The following SLC25A24 variants were observed in gnomAD, a reference collection of about 807,000 sequenced individuals.
The protein encoded by SLC25A24 is mitochondrial adenyl nucleotide antiporter SLC25A24.
In SLC25A24, 49 loss-of-function variants were observed where a neutral mutation model predicts 60.7. The ratio of observed to expected loss-of-function variants is 0.81; its 90% CI spans 0.64 to 1.02. The LOEUF (loss-of-function observed/expected upper bound fraction) is 1.02. SLC25A24 is among the 50% of genes least tolerant of loss of function. The pLI is 0.00. For missense variants in SLC25A24, 564 were observed against 586.3 expected (o/e 0.96, Z 0.39); for synonymous variants, 202 against 200.6 (o/e 1.01, Z -0.06).
At chr1:108,188,972 A>T (rs1648247063) in intron 1 of SLC25A24, among the ~76,000 whole-genome samples, 1 of 152,206 alleles carries the variant, frequency 6.6e-6, no homozygotes, top group Non-Finnish European at 1.5e-5. Flanking sequence ...CATTCCAACC[A>T]GTTTTAGCCA....
chr1:108,164,033 G>A (rs994027920), intron 3 of SLC25A24, among the ~76,000 whole-genome samples: 40 of 152,250 alleles, frequency 2.6e-4, no homozygotes, highest in African/African-American at 8.9e-4. Context: ...GGCTTTTTCT[G>A]CATCTATTGA....
At chr1:108,175,048 A>T (rs1281700848) in intron 3 of SLC25A24, among the ~76,000 whole-genome samples, 1 of 152,194 alleles carries the variant, frequency 6.6e-6, no homozygotes, top group Non-Finnish European at 1.5e-5. Context: ...ATGAGTTAAG[A>T]CGCTGAGGGA....
chr1:108,173,773 C>T (rs1367602760), intron 3 of SLC25A24, among the ~76,000 whole-genome samples: 1 of 152,174 alleles, frequency 6.6e-6, no homozygotes. Flanking sequence ...GACCAAAATG[C>T]TGATAGTAAT....
intron 3 of SLC25A24, among the ~76,000 whole-genome samples, chr1:108,175,749 A>G (rs1439144115): frequency 6.6e-6 from 1 of 152,206 alleles, no homozygotes. Context: ...TCATATAGCT[A>G]TGGAGAAACT....
chr1:108,170,243 T>A (rs1398415375), intron 3 of SLC25A24, among the ~76,000 whole-genome samples: 1 of 152,164 alleles, frequency 6.6e-6, no homozygotes. Flanking sequence ...TTGAGAAGTG[T>A]ATATCACACT....
In SLC25A24 at chr1:108,188,749, G is replaced by A. The variant is rs552244302; in HGVS notation, c.184-2795C>T. ...TATGCTGGCTTTAAGGTAGTTATTA[G>A]AAAAGGTTTGGGGGCGGATTCTGGG... is the stretch of plus-strand genomic sequence containing the variant. On this transcript the variant is annotated intron_variant, in intron 1 of 9. Transcript: ENST00000565488. 2.0e-5 allele frequency among the ~76,000 whole-genome samples: 3 copies of A among 152,336 alleles called. No individual in the cohort carries two copies. In the South Asian group the frequency reaches 6.2e-4, roughly 32 times the overall value.
rs3043349 is a variant in SLC25A24, at chr1:108,180,616, A to ATCTCTCTCTCTC, written c.398+1313_398+1324dup. On this transcript the variant is annotated intron_variant, in intron 3 of 9. Transcript: ENST00000565488. ...CCTTATAATAGAAAGCAAGAGAAAG[A>ATCTCTCTCTCTC]TCTCTCTCTCTCTCTCTCTCTCTCT... Among the ~76,000 whole-genome samples the ATCTCTCTCTCTC allele has an allele frequency of 2.2e-3, 134 of 61,770 alleles. 2 individuals are homozygous for ATCTCTCTCTCTC. The highest frequency in any genetic ancestry group is 8.6e-3 in the African/African-American group (124 of 14,498). 40.5% of individuals were successfully genotyped at this position (61,770 alleles called of 152,430 possible). A position where few individuals can be genotyped will look rare whatever the true frequency, so the allele number is the denominator to read the frequency against.
intron 2 of SLC25A24, among the ~76,000 whole-genome samples, chr1:108,184,166 T>C (rs1164609473): frequency 6.6e-6 from 1 of 152,184 alleles, no homozygotes; most frequent in Non-Finnish European, 1.5e-5. Context: ...TTGCCTCTGG[T>C]TCATTTAGAA....
At chr1:108,160,088 C>CG (rs1364015297) in intron 4 of SLC25A24, among the ~76,000 whole-genome samples, 1 of 148,738 alleles carries the variant, frequency 6.7e-6, no homozygotes, top group Non-Finnish European at 1.5e-5. Context: ...GCTGGCCGGG[C>CG]GGGGGGCTGA....
chr1:108,180,929 T>C (rs1468693359), intron 3 of SLC25A24, among the ~76,000 whole-genome samples: 3 of 152,268 alleles, frequency 2.0e-5, no homozygotes, highest in Non-Finnish European at 2.9e-5. Flanking sequence ...ATATGATTTC[T>C]GGCCTAACAG....
Position 108,135,133 on chromosome 1 carries a change from C to T in SLC25A24, c.*1520G>A, listed in dbSNP as rs1427209872. 6.6e-6 allele frequency: 1 copy of T among 152,392 alleles called. No individual in the cohort carries two copies. The highest frequency in any genetic ancestry group is 1.5e-5 in the Non-Finnish European group (1 of 67,982). The allele number at this position is 152,392 out of a possible 1,614,324, so 9.4% of individuals were successfully genotyped here. ...CTTAATATTGTCACTTTATATATTA[C>T]TCAAAAGTACAAATAACCCTAAAAG... On this transcript the variant is annotated 3_prime_UTR_variant, in exon 10 of 10. Coordinates refer to ENST00000565488, the MANE Select transcript of SLC25A24 (RefSeq NM_013386.5).
In SLC25A24 at chr1:108,185,817, G is replaced by T; in HGVS notation, c.310+11C>A. The T allele has an allele frequency of 1.3e-6, 2 of 1,578,304 alleles. No homozygotes were observed. The highest frequency in any genetic ancestry group is 1.7e-6 in the Non-Finnish European group (2 of 1,155,460). On this transcript the variant is annotated intron_variant, in intron 2 of 9. Transcript: ENST00000565488. The stretch of plus-strand genomic sequence containing the variant: ...TTCATAGCTGGTGATAAATACAAAA[G>T]AAAGACACACCATCATTATTTTTGT...
At chr1:108,184,262 G>A (rs1442175869) in intron 2 of SLC25A24, among the ~76,000 whole-genome samples, 1 of 152,186 alleles carries the variant, frequency 6.6e-6, no homozygotes, top group Non-Finnish European at 1.5e-5. Context: ...TCTTAAGGTA[G>A]CTCCATCTCT....
intron 8 of SLC25A24, among the ~76,000 whole-genome samples, chr1:108,141,861 A>C (rs1679451533): frequency 6.6e-6 from 1 of 152,152 alleles, no homozygotes; most frequent in Non-Finnish European, 1.5e-5. Context: ...GTGAAGGGGA[A>C]ATTGGGAGCT....
At chr1:108,153,522 T>C (rs1320318454) in intron 6 of SLC25A24, among the ~76,000 whole-genome samples, 2 of 152,180 alleles carry the variant, frequency 1.3e-5, no homozygotes, top group African/African-American at 2.4e-5. Flanking sequence ...GAACTGGCTT[T>C]GATTGAGATG....
chr1:108,192,765 A>C, intron 1 of SLC25A24: 32 of 1,330,818 alleles, frequency 2.4e-5, no homozygotes, highest in East Asian at 1.1e-4. Context: ...GCCAAACACA[A>C]TGCACCTTCA....
intron 1 of SLC25A24, among the ~76,000 whole-genome samples, chr1:108,187,750 G>A (rs1449578853): frequency 6.6e-6 from 1 of 151,350 alleles, no homozygotes; most frequent in Non-Finnish European, 1.5e-5. Context: ...GAAAGGGTGG[G>A]AACATTTTCC....
At chr1:108,143,381 T>C (rs1469953149) in intron 8 of SLC25A24, among the ~76,000 whole-genome samples, 162 bp downstream of exon 8, 1 of 152,222 alleles carries the variant, frequency 6.6e-6, no homozygotes, top group Non-Finnish European at 1.5e-5. Flanking sequence ...AGTGACCCCA[T>C]GCATATTCAC....
At chr1:108,198,375 A>G (rs1352478630) in intron 1 of SLC25A24, 1 of 152,222 alleles carries the variant, frequency 6.6e-6, no homozygotes, top group Non-Finnish European at 1.5e-5. Context: ...TCCGAAAGGC[A>G]ATACGTATCC....
Sources: allele counts gnomAD v4.1 joint callset (sites outside exome capture counted in the v4.1 genomes callset), GRCh38; gene constraint gnomAD v4.1.1; transcripts MANE v1.5; gene names NCBI Gene and HGNC (gene_info 2026-07-23, HGNC 2026-07-21).